Variants in CATSPERB observed in about 807,000 individuals in gnomAD.
CATSPERB encodes the protein catsper channel auxiliary subunit beta.
A neutral mutation model predicts 128.3 loss-of-function variants in CATSPERB; 93 were observed. That is an observed-to-expected ratio of 0.72 (90% confidence interval 0.61 to 0.86). The LOEUF (loss-of-function observed/expected upper bound fraction) is 0.86. Among genes scored for constraint, CATSPERB ranks in the 40% least tolerant of loss-of-function variants. The probability of loss-of-function intolerance (pLI) is 0.00; values close to 1 mark genes in which losing one functional copy is unlikely to be tolerated. For synonymous variants in CATSPERB, 381 were observed against 448.8 expected (o/e 0.85, Z 1.91); for missense variants, 1,153 against 1,329.5 (o/e 0.87, Z 2.06).
intron 17 of CATSPERB, among the ~76,000 whole-genome samples, chr14:91,629,600 G>A (rs2139795838): frequency 6.6e-6 from 1 of 152,300 alleles, no homozygotes; most frequent in Non-Finnish European, 1.5e-5. Flanking sequence ...GGATAGTGGG[G>A]AAGGTTTCGT....
intron 22 of CATSPERB, among the ~76,000 whole-genome samples, chr14:91,600,405 A>T (rs1280278581): frequency 2.6e-5 from 4 of 152,202 alleles, no homozygotes; most frequent in Non-Finnish European, 5.9e-5. Flanking sequence ...GGCTGTTTAT[A>T]TATCTTCTGT....
Position 91,672,865 on chromosome 14 carries a change from A to ATATC in CATSPERB, c.1128+1_1128+2insGATA, listed in dbSNP as rs1895122327. ...AAATTCCCTCTGGGATATAAGGCCT[A>ATATC]CCTTGTTATAGAAGAGGTAAACTCC... On this transcript the variant is annotated splice_donor_variant, in intron 13 of 26. Coordinates refer to ENST00000256343, the MANE Select transcript of CATSPERB (RefSeq NM_024764.4). LOFTEE classifies it high-confidence loss of function. The ATATC allele has an allele frequency of 6.4e-7, 1 of 1,555,454 alleles. No individual in the cohort carries two copies. The highest frequency in any genetic ancestry group is 8.6e-7 in the Non-Finnish European group (1 of 1,163,186).
At chr14:91,608,592 T>C (rs1174550560) in intron 21 of CATSPERB, among the ~76,000 whole-genome samples, 188 bp from the exon 22 acceptor site, 1 of 151,354 alleles carries the variant, frequency 6.6e-6, no homozygotes, top group Non-Finnish European at 1.5e-5. Flanking sequence ...TAACCAATGA[T>C]AATATAACTT....
chr14:91,631,076 C>A (rs1436964051), intron 17 of CATSPERB, among the ~76,000 whole-genome samples: 1 of 152,222 alleles, frequency 6.6e-6, no homozygotes, highest in Non-Finnish European at 1.5e-5. Flanking sequence ...CTTACTCCCT[C>A]TGTCACCATA....
intron 15 of CATSPERB, among the ~76,000 whole-genome samples, chr14:91,640,330 G>T (rs1380837510): frequency 6.8e-6 from 1 of 147,952 alleles, no homozygotes; most frequent in African/African-American, 2.5e-5. Flanking sequence ...TGCCATGCTG[G>T]TGCACTGCAC....
intron 8 of CATSPERB, 47 bp downstream of exon 8, chr14:91,693,337 T>G: frequency 6.4e-7 from 1 of 1,555,354 alleles, no homozygotes; most frequent in Non-Finnish European, 8.9e-7. Context: ...AATCAAATAT[T>G]GATGTAAGTA....
At chr14:91,595,719 A>G (rs1893496273) in intron 22 of CATSPERB, among the ~76,000 whole-genome samples, 1 of 152,248 alleles carries the variant, frequency 6.6e-6, no homozygotes, top group Non-Finnish European at 1.5e-5. Flanking sequence ...AGAAAAGCAC[A>G]TCATTCCAGT....
At chr14:91,636,684 G>T in intron 16 of CATSPERB, 105 bp from the exon 17 acceptor site, 4 of 954,356 alleles carry the variant, frequency 4.2e-6, no homozygotes, top group Non-Finnish European at 3.1e-6. Context: ...AAACAATACT[G>T]GTTTACTTAT....
At chr14:91,633,529 T>C (rs1299719840) in intron 17 of CATSPERB, among the ~76,000 whole-genome samples, 1 of 152,022 alleles carries the variant, frequency 6.6e-6, no homozygotes, top group Non-Finnish European at 1.5e-5. Flanking sequence ...TACATGAACA[T>C]AGATGTTTAA....
rs375496045 is a variant in CATSPERB, at chr14:91,628,691, C to A, written c.1743-3684G>T. Among the ~76,000 whole-genome samples, 5 of 152,196 alleles carry A rather than the reference C, an allele frequency of 3.3e-5. No individual in the cohort carries two copies. In the South Asian group the frequency reaches 1.0e-3, roughly 32 times the overall value. ...CCTTCATCTTCCACCATGGCCTCCC[C>A]AGCCATGCAGAACTGTGAGTCAATT... On this transcript the variant is annotated intron_variant, in intron 17 of 26. Coordinates refer to ENST00000256343, the MANE Select transcript of CATSPERB (RefSeq NM_024764.4).
chr14:91,640,262 T>A (rs185552837), intron 15 of CATSPERB, among the ~76,000 whole-genome samples: 9 of 151,932 alleles, frequency 5.9e-5, no homozygotes, highest in Admixed American at 3.3e-4. Context: ...ATTTTTTTTT[T>A]ATTTAAGTTT....
chr14:91,685,323 A>T (rs1372998266), intron 10 of CATSPERB, among the ~76,000 whole-genome samples: 3 of 152,164 alleles, frequency 2.0e-5, no homozygotes, highest in Admixed American at 6.5e-5. Flanking sequence ...TAAGAGGTAG[A>T]TATTGTTATG....
At chr14:91,615,768 CA>C (rs1245932064) in intron 20 of CATSPERB, among the ~76,000 whole-genome samples, 1 of 152,140 alleles carries the variant, frequency 6.6e-6, no homozygotes, top group Non-Finnish European at 1.5e-5. Context: ...CACTGGTACA[CA>C]GACATCTTTT....
intron 7 of CATSPERB, among the ~76,000 whole-genome samples, chr14:91,695,724 AC>A (rs1189744961): frequency 2.0e-5 from 3 of 152,214 alleles, no homozygotes; most frequent in Non-Finnish European, 4.4e-5. Context: ...ATACTTGAGA[AC>A]ATCACTCTGG....
rs374644890 is a variant in CATSPERB at position 91,580,944 on chromosome 14, T to A, written c.3296A>T (p.Lys1099Met). The change falls in exon 27 of 27, where the codon AAG becomes ATG. Residue 1099 changes from lysine (K) to methionine (M), a missense_variant. Coordinates refer to ENST00000256343, the MANE Select transcript of CATSPERB (RefSeq NM_024764.4). ...CTCACTGAGAGAGATACTTGAAAACTTCTCTTGGTTTCTTCTAATCCATCT... is the reference window on the plus strand; with the variant it reads ...CTCACTGAGAGAGATACTTGAAAACATCTCTTGGTTTCTTCTAATCCATCT... ...FQRWIRRNQE[K>M]FSSISLSELI... The A allele has an allele frequency of 6.2e-7, 1 of 1,614,246 alleles. No homozygotes were observed.
At chr14:91,704,464 C>T in intron 7 of CATSPERB, 88 bp downstream of exon 7, 1 of 1,368,190 alleles carries the variant, frequency 7.3e-7, no homozygotes, top group Non-Finnish European at 9.9e-7. Flanking sequence ...TTCCCTATGT[C>T]TATGCATTTA....
intron 22 of CATSPERB, among the ~76,000 whole-genome samples, chr14:91,605,951 G>A (rs369540332): frequency 3.3e-5 from 5 of 152,270 alleles, no homozygotes; most frequent in Non-Finnish European, 2.9e-5. Context: ...CGAGGCGGGC[G>A]GATCCCTTGA....
At chr14:91,612,256 T>C (rs1180492569) in intron 20 of CATSPERB, among the ~76,000 whole-genome samples, 1 of 152,122 alleles carries the variant, frequency 6.6e-6, no homozygotes, top group Non-Finnish European at 1.5e-5. Context: ...TTAGCAATTT[T>C]GAAATGTACA....
chr14:91,591,393 A>G (rs1156549753), intron 23 of CATSPERB, among the ~76,000 whole-genome samples: 2 of 152,056 alleles, frequency 1.3e-5, no homozygotes, highest in Admixed American at 6.6e-5. Context: ...AAATTTTGAT[A>G]CTAACAGAAT....
Sources: gnomAD v4.1 joint callset for allele counts (sites outside exome capture counted in the v4.1 genomes callset) on GRCh38, gnomAD v4.1.1 for gene constraint, MANE v1.5 for transcripts, NCBI Gene and HGNC (gene_info 2026-07-23, HGNC 2026-07-21) for gene names.